The following SKAP1 variants were observed in gnomAD, a reference collection of about 807,000 sequenced individuals.
The protein encoded by SKAP1 is src kinase-associated phosphoprotein 1.
A neutral mutation model predicts 58.5 loss-of-function variants in SKAP1; 44 were observed. That is an observed-to-expected ratio of 0.75 (90% CI 0.59 to 0.97). The LOEUF (loss-of-function observed/expected upper bound fraction) is 0.97. SKAP1 is among the 50% of genes least tolerant of loss of function. The pLI, the probability that SKAP1 is intolerant of heterozygous loss-of-function variation, is 0.00. For synonymous variants in SKAP1, 127 were observed against 149.7 expected, an observed-to-expected ratio of 0.85 and a Z score of 1.11; for missense variants, 390 against 435.2, an observed-to-expected ratio of 0.90 and a Z score of 0.92.
the SKAP1 span, among the ~76,000 whole-genome samples, chr17:48,440,374 G>T: frequency 6.6e-6 from 1 of 152,192 alleles, no homozygotes. Flanking sequence ...TGAGCAGGCT[G>T]CAGGATGTAG....
chr17:48,433,419 A>AAAGCAGCCAGCTGTCTCTGCACAC (rs1269678288), upstream of SKAP1, among the ~76,000 whole-genome samples: 5 of 152,170 alleles, frequency 3.3e-5, no homozygotes, highest in African/African-American at 1.2e-4. Flanking sequence ...GTCATGGAAG[A>AAAGCAGCCAGCTGTCTCTGCACAC]AAGCAGCCAG....
intron 11 of SKAP1, among the ~76,000 whole-genome samples, chr17:48,152,552 G>A (rs1249942150): frequency 6.6e-6 from 1 of 152,074 alleles, no homozygotes; most frequent in African/African-American, 2.4e-5. Flanking sequence ...TACTGGCGGT[G>A]GGAAATGGAG....
chr17:48,282,108 T>C (rs530710519), intron 4 of SKAP1, among the ~76,000 whole-genome samples: 2 of 152,326 alleles, frequency 1.3e-5, no homozygotes, highest in Admixed American at 1.3e-4. Context: ...TTTGGAAAAT[T>C]CTTATGTTTA....
intron 7 of SKAP1, among the ~76,000 whole-genome samples, chr17:48,184,159 A>G (rs996504732): frequency 3.3e-5 from 5 of 152,228 alleles, no homozygotes; most frequent in African/African-American, 9.6e-5. Context: ...ACAGTACGGA[A>G]TAAGTCTTTC....
chr17:48,194,923 T>C (rs1424817779), intron 4 of SKAP1, among the ~76,000 whole-genome samples: 1 of 152,140 alleles, frequency 6.6e-6, no homozygotes, highest in Non-Finnish European at 1.5e-5. Context: ...GTGTATGAGA[T>C]TGGAGAAAAT....
intron 2 of SKAP1, among the ~76,000 whole-genome samples, chr17:48,376,592 G>C (rs930352195): frequency 6.6e-6 from 1 of 152,172 alleles, no homozygotes; most frequent in African/African-American, 2.4e-5. Flanking sequence ...TTAGTTATTA[G>C]AGTTCATCTA....
chr17:48,366,887 A>G (rs143593207), intron 2 of SKAP1, among the ~76,000 whole-genome samples: 7 of 152,252 alleles, frequency 4.6e-5, no homozygotes, highest in East Asian at 3.9e-4. Context: ...TCTTTCCAAA[A>G]TATTGATGAT....
intron 4 of SKAP1, among the ~76,000 whole-genome samples, chr17:48,283,517 A>G (rs547808098): frequency 8.5e-5 from 13 of 152,268 alleles, no homozygotes; most frequent in Non-Finnish European, 1.9e-4. Flanking sequence ...CCATCTATGG[A>G]TGCATCAGCC....
chr17:48,359,670 G>A (rs927360140), intron 3 of SKAP1, among the ~76,000 whole-genome samples: 5 of 152,096 alleles, frequency 3.3e-5, no homozygotes, highest in Admixed American at 6.6e-5. Flanking sequence ...GCAGTGGCGC[G>A]ATCTCGGCTC....
chr17:48,249,652 C>G (rs930244399), intron 4 of SKAP1, among the ~76,000 whole-genome samples: 2 of 151,640 alleles, frequency 1.3e-5, no homozygotes, highest in Admixed American at 6.6e-5. Context: ...CCAGGCAGAG[C>G]AAGACCTTGT....
chr17:48,429,144 C>T (rs931430708), intron 1 of SKAP1, among the ~76,000 whole-genome samples: 9 of 152,180 alleles, frequency 5.9e-5, no homozygotes, highest in African/African-American at 1.4e-4. Flanking sequence ...TATGTGTCAA[C>T]TATGTCAACT....
intron 4 of SKAP1, among the ~76,000 whole-genome samples, chr17:48,202,955 G>A (rs952287474): frequency 6.6e-6 from 1 of 152,142 alleles, no homozygotes; most frequent in Non-Finnish European, 1.5e-5. Context: ...ATCGGGATGA[G>A]GCAAAGCATC....
At chr17:48,414,544 G>T (rs868362084) in intron 1 of SKAP1, among the ~76,000 whole-genome samples, 3 of 152,054 alleles carry the variant, frequency 2.0e-5, no homozygotes, top group Non-Finnish European at 4.4e-5. Context: ...ATTTGAAGTC[G>T]CATATTTAAA....
chr17:48,195,495 C>T (rs2064614403), intron 4 of SKAP1, among the ~76,000 whole-genome samples: 1 of 152,156 alleles, frequency 6.6e-6, no homozygotes, highest in Non-Finnish European at 1.5e-5. Context: ...GTGAAAAATT[C>T]TAAAACATTA....
At chr17:48,140,146 C>T (rs1043009773) in intron 11 of SKAP1, among the ~76,000 whole-genome samples, 2 of 152,156 alleles carry the variant, frequency 1.3e-5, no homozygotes, top group East Asian at 1.9e-4. Context: ...CTGTTGAAGC[C>T]GCTCTCATCA....
intron 1 of SKAP1, among the ~76,000 whole-genome samples, chr17:48,397,681 A>G (rs754334656): frequency 6.6e-5 from 10 of 152,236 alleles, no homozygotes; most frequent in Non-Finnish European, 1.5e-4. Context: ...ATTCAAAGAA[A>G]TATTAATTAG....
At chr17:48,370,049 G>A (rs979703475) in intron 2 of SKAP1, among the ~76,000 whole-genome samples, 5 of 152,094 alleles carry the variant, frequency 3.3e-5, no homozygotes, top group Admixed American at 1.3e-4. Flanking sequence ...GATATGATTC[G>A]TCTACAGATA....
In SKAP1 at chr17:48,245,394, C is replaced by G. The variant is rs144787998; in HGVS notation, c.281-55894G>C. Among the ~76,000 whole-genome samples, 145 of 152,106 alleles carry G rather than the reference C, an allele frequency of 9.5e-4. 1 individual carries two copies. Among genetic ancestry groups the G allele is most frequent in the African/African-American group, 2.8e-3 (115 of 41,478 alleles). On this transcript the variant is annotated intron_variant, in intron 4 of 12. Transcript: ENST00000336915. ...GATAGTGACAGGTTGCTGTTGATTA[C>G]GAGAAGTAGACTTTTGCTCCAACAG... is the stretch of plus-strand genomic sequence containing the variant.
At chr17:48,348,358 AAAGAAAGAAAAG>A (rs1323818589) in intron 3 of SKAP1, among the ~76,000 whole-genome samples, 4 of 151,528 alleles carry the variant, frequency 2.6e-5, no homozygotes, top group Non-Finnish European at 4.4e-5. Context: ...AAAAAAAAGA[AAAGAAAGAAAAG>A]AAGAAAGAAA....
Sources: allele counts gnomAD v4.1 joint callset (sites outside exome capture counted in the v4.1 genomes callset), GRCh38; gene constraint gnomAD v4.1.1; transcripts MANE v1.5; gene names NCBI Gene and HGNC (gene_info 2026-07-23, HGNC 2026-07-21).